Variants in CCNB1 observed in about 807,000 individuals in gnomAD.
The protein encoded by CCNB1 is G2/mitotic-specific cyclin-B1.
A neutral mutation model predicts 44.4 loss-of-function variants in CCNB1; 26 were observed. The ratio of observed to expected loss-of-function variants is 0.59; its 90% CI spans 0.43 to 0.81. The LOEUF is 0.81. CCNB1 is among the 40% of genes least tolerant of loss of function. The probability of loss-of-function intolerance (pLI) is 0.00; values close to 1 mark genes in which losing one functional copy is unlikely to be tolerated. For missense variants in CCNB1, 477 were observed against 520.9 expected, an observed-to-expected ratio of 0.92 and a Z score of 0.82; for synonymous variants, 195 against 181.4, an observed-to-expected ratio of 1.08 and a Z score of -0.60.
chr5:69,167,150 G>A lies in CCNB1; in HGVS notation c.-113G>A. 1.2e-6 allele frequency: 1 copy of A among 857,480 alleles called. No individual in the cohort carries two copies. Among genetic ancestry groups the A allele is most frequent in the South Asian group, 1.7e-5 (1 of 57,804 alleles). 53.1% of individuals were successfully genotyped at this position (857,480 alleles called of 1,614,324 possible). A position where few individuals can be genotyped will look rare whatever the true frequency, so the allele number is the denominator to read the frequency against. ...ATCTGAGGCTAGGCTGGCTCTTCTCGGCGTGCTGCGGCGGAACGGCTGTTG... is the reference window on the plus strand; with the variant it reads ...ATCTGAGGCTAGGCTGGCTCTTCTCAGCGTGCTGCGGCGGAACGGCTGTTG... On this transcript the variant is annotated 5_prime_UTR_variant, in exon 1 of 9. Transcript: ENST00000256442.
chr5:69,177,202 T>G, intron 7 of CCNB1, 37 bp from the exon 8 acceptor site: 2 of 1,163,628 alleles, frequency 1.7e-6, no homozygotes, highest in Non-Finnish European at 2.6e-6. Context: ...AAATCATTAT[T>G]GATTTGAGCA....
intron 4 of CCNB1, among the ~76,000 whole-genome samples, chr5:69,172,436 T>A (rs1217354094): frequency 6.6e-6 from 1 of 152,068 alleles, no homozygotes; most frequent in African/African-American, 2.4e-5. Context: ...TTTGTACTTT[T>A]AGTAGAGATG....
In CCNB1 at chr5:69,171,307, G is replaced by A. The variant is rs765005697; in HGVS notation, c.401G>A (p.Gly134Glu). ...TASPSPMETS[G>E]CAPAEEDLCQ... ...TCTCCAAGCCCAATGGAAACATCTG[G>A]ATGTGCCCCTGCAGAAGAAGACCTG... is the stretch of plus-strand genomic sequence containing the variant. Residue 134 changes from glycine to glutamate, a missense_variant, in exon 4 of 9, where the codon GGA becomes GAA. By Grantham distance (98) the Gly-to-Glu change is moderately conservative. Coordinates refer to ENST00000256442, the MANE Select transcript of CCNB1 (RefSeq NM_031966.4). 10 of 1,613,366 alleles carry A rather than the reference G, an allele frequency of 6.2e-6. No homozygotes were observed. Among genetic ancestry groups the A allele is most frequent in the Non-Finnish European group, 7.6e-6 (9 of 1,179,858 alleles).
Position 69,168,293 on chromosome 5 carries a change from C to G in CCNB1, c.313C>G (p.Pro105Ala), listed in dbSNP as rs1561312246. The stretch of plus-strand genomic sequence containing the variant: ...GCCAGTGCCAGAGCCAGAACCTGAG[C>G]CAGAACCTGAGCCTGTTAAAGAAGA... ...SEPVPEPEPE[P>A]EPEPVKEEKL... Residue 105 changes from proline to alanine, a missense_variant, in exon 3 of 9, where the codon CCA becomes GCA. Pro to Ala is a conservative substitution (Grantham distance 27). Transcript: ENST00000256442. 6.2e-7 allele frequency: 1 copy of G among 1,614,164 alleles called. No homozygotes were observed.
Position 69,174,605 on chromosome 5 carries a change from C to T in CCNB1, c.705+196C>T, listed in dbSNP as rs193251331. Among the ~76,000 whole-genome samples the T allele has an allele frequency of 2.8e-4, 42 of 152,038 alleles. No individual in the cohort carries two copies. The East Asian group carries it at 6.9e-3, about 25-fold the overall frequency. Reference sequence around the variant, plus strand: ...TCTACTAAAAATACAAAAAATTAGCCGGGCATGGTGGCGGGCGCCTGTAGT... The same window carrying T: ...TCTACTAAAAATACAAAAAATTAGCTGGGCATGGTGGCGGGCGCCTGTAGT... On this transcript the variant is annotated intron_variant, in intron 5 of 8. Coordinates refer to ENST00000256442, the MANE Select transcript of CCNB1 (RefSeq NM_031966.4).
At chr5:69,175,982 A>AATAT (rs68140968) in intron 7 of CCNB1, among the ~76,000 whole-genome samples, 5,717 of 116,060 alleles carry the variant, frequency 0.049, 185 homozygotes, top group Middle Eastern at 0.092. Context: ...AAATATATAA[A>AATAT]ATATATATAT....
At chr5:69,176,504 CT>C (rs1447111880) in intron 7 of CCNB1, among the ~76,000 whole-genome samples, 1 of 150,792 alleles carries the variant, frequency 6.6e-6, no homozygotes, top group Non-Finnish European at 1.5e-5. Flanking sequence ...CTACAGGTGC[CT>C]GCCACCACGC....
At position 69,171,401 on chromosome 5, in the gene CCNB1, C is replaced by A. The variant is rs773141929; in HGVS notation, c.495C>A (p.Asn165Lys). Residue 165 changes from asparagine (N) to lysine (K), a missense_variant, in exon 4 of 9, where the codon AAC becomes AAA. Transcript: ENST00000256442. ...ATGCAGAAGATGGAGCTGATCCAAA[C>A]CTTTGTAGTGAATATGTGAAAGATA... ...DVDAEDGADP[N>K]LCSEYVKDIY... The A allele has an allele frequency of 6.2e-7, 1 of 1,613,038 alleles. No individual in the cohort carries two copies.
intron 4 of CCNB1, among the ~76,000 whole-genome samples, chr5:69,172,387 G>C (rs1747483283): frequency 6.6e-6 from 1 of 152,138 alleles, no homozygotes; most frequent in Admixed American, 6.5e-5. Flanking sequence ...ATCCCGAGCA[G>C]CTGGGATTAC....
At position 69,168,165 on chromosome 5, in the gene CCNB1, A is replaced by T; in HGVS notation, c.193-8A>T. On this transcript the variant is annotated splice_polypyrimidine_tract_variant and splice_region_variant and intron_variant, in intron 2 of 8. Coordinates refer to ENST00000256442, the MANE Select transcript of CCNB1 (RefSeq NM_031966.4). ...AGAAACATTTCATTCTCTCTGTTTC[A>T]TCTACAGGAAGCAAAACCTTCAGCT... The T allele has an allele frequency of 6.2e-7, 1 of 1,613,850 alleles. No individual in the cohort carries two copies. The highest frequency in any genetic ancestry group is 8.5e-7 in the Non-Finnish European group (1 of 1,179,810).
chr5:69,171,246 T>A, intron 3 of CCNB1, 24 bp from the exon 4 acceptor site: 1 of 1,583,354 alleles, frequency 6.3e-7, no homozygotes, highest in Non-Finnish European at 8.6e-7. Context: ...TATTTGCTAT[T>A]TCAAGATATC....
At chr5:69,175,233 T>C in intron 6 of CCNB1, 120 bp downstream of exon 6, 1 of 1,017,922 alleles carries the variant, frequency 9.8e-7, no homozygotes, top group African/African-American at 1.6e-5. Flanking sequence ...AGGGATAAAG[T>C]TGTTCTTTAT....
intron 7 of CCNB1, 72 bp from the exon 8 acceptor site, chr5:69,177,167 C>T (rs918019148): frequency 9.1e-5 from 75 of 825,294 alleles, no homozygotes; most frequent in Middle Eastern, 2.6e-4. Flanking sequence ...TCCTGAATAA[C>T]ATCTAACATC....
At chr5:69,171,586 A>G (rs1747461064) in intron 4 of CCNB1, 134 bp downstream of exon 4, 2 of 613,718 alleles carry the variant, frequency 3.3e-6, no homozygotes, top group South Asian at 2.2e-5. Context: ...ATTCTCCTTC[A>G]TGGAATACCT....
chr5:69,168,108 A>G, intron 2 of CCNB1, 30 bp downstream of exon 2: 1 of 1,611,156 alleles, frequency 6.2e-7, no homozygotes, highest in Non-Finnish European at 8.5e-7. Context: ...AACTTCTGTA[A>G]GAGCCCGCCT....
In CCNB1 at chr5:69,174,269, C is replaced by A. The variant is rs762217773; in HGVS notation, c.565C>A (p.Pro189Thr). ...RQLEEEQAVR[P>T]KYLLGREVTG... ...TTTGCAGGAAGAGCAAGCAGTCAGA[C>A]CAAAATACCTACTGGGTCGGGAAGT... The change falls in exon 5 of 9, where the codon CCA becomes ACA. Residue 189 changes from proline to threonine, a missense_variant. By Grantham distance (38) the Pro-to-Thr change is conservative. Coordinates refer to ENST00000256442, the MANE Select transcript of CCNB1 (RefSeq NM_031966.4). 1.2e-5 allele frequency: 19 copies of A among 1,613,848 alleles called. No homozygotes were observed. Among genetic ancestry groups the A allele is most frequent in the Admixed American group, 5.0e-5 (3 of 59,950 alleles).
chr5:69,168,087 C>G lies in CCNB1; in HGVS notation c.192+9C>G, dbSNP rs750559524. On this transcript the variant is annotated intron_variant, in intron 2 of 8. Coordinates refer to ENST00000256442, the MANE Select transcript of CCNB1 (RefSeq NM_031966.4). ...AAATGCCTATGAAGAAGGTAACTCTCTTCCTGACCTAACTTCTGTAAGAGC... is the reference window on the plus strand; with the variant it reads ...AAATGCCTATGAAGAAGGTAACTCTGTTCCTGACCTAACTTCTGTAAGAGC... 1 of 1,612,582 alleles carries G rather than the reference C, an allele frequency of 6.2e-7. No individual in the cohort carries two copies. The highest frequency in any genetic ancestry group is 8.5e-7 in the Non-Finnish European group (1 of 1,179,214).
intron 3 of CCNB1, among the ~76,000 whole-genome samples, chr5:69,169,681 C>T (rs1467799590): frequency 6.6e-6 from 1 of 152,028 alleles, no homozygotes; most frequent in Non-Finnish European, 1.5e-5. Flanking sequence ...GAGACAGAGT[C>T]TCACTCTGTT....
chr5:69,171,654 G>C (rs1030469933), intron 4 of CCNB1, among the ~76,000 whole-genome samples: 1 of 152,162 alleles, frequency 6.6e-6, no homozygotes, highest in Admixed American at 6.6e-5. Context: ...GTGCAGGAAA[G>C]TTCGAAGTTA....
Sources: gnomAD v4.1 joint callset for allele counts (sites outside exome capture counted in the v4.1 genomes callset) on GRCh38, gnomAD v4.1.1 for gene constraint, MANE v1.5 for transcripts, NCBI Gene and HGNC (gene_info 2026-07-23, HGNC 2026-07-21) for gene names.